NRXN1: variants seen among roughly 807,000 people sequenced by gnomAD.
NRXN1 encodes neurexin 1.
Under a neutral mutation model 150.9 loss-of-function variants are expected in NRXN1, and 39 were observed. That is an observed-to-expected ratio of 0.26 (90% CI 0.20 to 0.34). The LOEUF is 0.34. NRXN1 is among the 10% of genes least tolerant of loss of function. The probability of loss-of-function intolerance (pLI) is 1.00; values close to 1 mark genes in which losing one functional copy is unlikely to be tolerated. For missense variants in NRXN1, 1,815 were observed against 1,949.9 expected, an observed-to-expected ratio of 0.93 and a Z score of 1.30; for synonymous variants, 924 against 757.0, an observed-to-expected ratio of 1.22 and a Z score of -3.62.
intron 8 of NRXN1, among the ~76,000 whole-genome samples, chr2:50,553,494 ATCTCT>A (rs1667812914): frequency 1.3e-5 from 2 of 152,198 alleles, no homozygotes; most frequent in Non-Finnish European, 2.9e-5. Context: ...AAAATATTGG[ATCTCT>A]TCTATTATCT....
intron 18 of NRXN1, among the ~76,000 whole-genome samples, chr2:50,164,994 T>C (rs142519379): frequency 5.6e-4 from 86 of 152,244 alleles, no homozygotes; most frequent in East Asian, 2.7e-3. Flanking sequence ...AGGTGTCTAC[T>C]CCTCACCTGG....
At chr2:50,591,536 C>T (rs970699830) in intron 8 of NRXN1, among the ~76,000 whole-genome samples, 3 of 152,194 alleles carry the variant, frequency 2.0e-5, no homozygotes, top group Non-Finnish European at 4.4e-5. Context: ...AAATGTGGGT[C>T]CCAGGAAGTT....
intron 18 of NRXN1, among the ~76,000 whole-genome samples, chr2:50,170,521 T>A (rs960253244): frequency 1.3e-5 from 2 of 152,146 alleles, no homozygotes; most frequent in Non-Finnish European, 2.9e-5. Context: ...GGTCTCATAC[T>A]CCTGTCCTCA....
At chr2:50,368,056 C>A (rs897919960) in intron 17 of NRXN1, among the ~76,000 whole-genome samples, 3 of 152,008 alleles carry the variant, frequency 2.0e-5, no homozygotes, top group Admixed American at 6.6e-5. Flanking sequence ...AATAGTTACA[C>A]CACTTAGCAA....
At chr2:50,809,451 A>C (rs1368741905) in intron 5 of NRXN1, among the ~76,000 whole-genome samples, 1 of 152,110 alleles carries the variant, frequency 6.6e-6, no homozygotes, top group Non-Finnish European at 1.5e-5. Flanking sequence ...TAAATCAAAC[A>C]CAATTCATAC....
chr2:50,218,024 C>G (rs1030328363), intron 18 of NRXN1, among the ~76,000 whole-genome samples: 36 of 151,990 alleles, frequency 2.4e-4, no homozygotes, highest in African/African-American at 8.7e-4. Flanking sequence ...ACACTCCTCT[C>G]CCATACATAC....
chr2:50,673,563 A>G (rs1689145825), intron 5 of NRXN1, among the ~76,000 whole-genome samples: 1 of 152,102 alleles, frequency 6.6e-6, no homozygotes, highest in East Asian at 1.9e-4. Context: ...CAGTGTAGGA[A>G]TCATGGCTGG....
chr2:50,480,840 T>A (rs1318219995), intron 15 of NRXN1, among the ~76,000 whole-genome samples: 2 of 151,394 alleles, frequency 1.3e-5, no homozygotes, highest in African/African-American at 4.9e-5. Flanking sequence ...ATGTACAGAG[T>A]CCTGAGTGAG....
intron 20 of NRXN1, 51 bp downstream of exon 20, chr2:50,054,904 G>T: frequency 1.7e-6 from 2 of 1,204,970 alleles, no homozygotes; most frequent in Non-Finnish European, 2.3e-6. Flanking sequence ...AGTACTACTT[G>T]GTTATGTTCA....
At chr2:50,197,213 G>A (rs763297472) in intron 18 of NRXN1, among the ~76,000 whole-genome samples, 1 of 151,846 alleles carries the variant, frequency 6.6e-6, no homozygotes. Flanking sequence ...TTTTTTAGAT[G>A]CATAACAGTT....
chr2:50,497,122 G>A (rs1184258225), intron 14 of NRXN1, among the ~76,000 whole-genome samples: 1 of 152,122 alleles, frequency 6.6e-6, no homozygotes, highest in Non-Finnish European at 1.5e-5. Context: ...TATCTCATAT[G>A]TGAAAATGTA....
At chr2:50,462,664 A>G (rs535142232) in intron 17 of NRXN1, among the ~76,000 whole-genome samples, 2 of 151,948 alleles carry the variant, frequency 1.3e-5, no homozygotes, top group South Asian at 4.1e-4. Context: ...TTTCCGGGGA[A>G]GAAAGGGTTT....
rs142392248 is a variant in NRXN1, at chr2:50,627,615, G to GACACACACACAC, written c.833-4012_833-4001dup. ...TCTATGAAAGCTTTTGTCAGACACA[G>GACACACACACAC]ACACACACACACACACACACACGAG... On this transcript the variant is annotated intron_variant, in intron 5 of 22. Transcript: ENST00000401669. Among the ~76,000 whole-genome samples, 278 of 148,438 alleles carry GACACACACACAC rather than the reference G, an allele frequency of 1.9e-3. 1 individual carries two copies. Among genetic ancestry groups the GACACACACACAC allele is most frequent in the Middle Eastern group, 6.8e-3 (2 of 292 alleles).
intron 5 of NRXN1, among the ~76,000 whole-genome samples, chr2:50,815,045 A>C (rs886275988): frequency 1.3e-5 from 2 of 152,146 alleles, no homozygotes; most frequent in Non-Finnish European, 2.9e-5. Flanking sequence ...ATTATGTTGC[A>C]ATCAGATGAA....
At chr2:50,464,115 A>C (rs1370961150) in intron 17 of NRXN1, 10 of 151,784 alleles carry the variant, frequency 6.6e-5, no homozygotes, top group Non-Finnish European at 4.4e-5. Flanking sequence ...TATATAACTC[A>C]AAATGGCGTT....
At chr2:50,076,524 A>C (rs764476956) in intron 19 of NRXN1, among the ~76,000 whole-genome samples, 2 of 152,192 alleles carry the variant, frequency 1.3e-5, no homozygotes, top group Non-Finnish European at 2.9e-5. Flanking sequence ...TAGGAAAATG[A>C]GATTAAAGAA....
intron 5 of NRXN1, among the ~76,000 whole-genome samples, chr2:50,730,672 C>CTTTTTTTTTTTTTTTTT (rs56042523): frequency 8.2e-6 from 1 of 122,026 alleles, no homozygotes; most frequent in Non-Finnish European, 1.6e-5. Flanking sequence ...TTCTTGTTTT[C>CTTTTTTTTTTTTTTTTT]TTTTTTTTTT....
intron 8 of NRXN1, among the ~76,000 whole-genome samples, chr2:50,576,906 T>G (rs1218646944): frequency 6.6e-6 from 1 of 152,110 alleles, no homozygotes; most frequent in African/African-American, 2.4e-5. Context: ...TCTTTGGGGC[T>G]TTAATTAGTA....
At chr2:50,862,864 A>G (rs2106041806) in intron 5 of NRXN1, among the ~76,000 whole-genome samples, 1 of 152,226 alleles carries the variant, frequency 6.6e-6, no homozygotes, top group South Asian at 2.1e-4. Flanking sequence ...TCCAAAATGC[A>G]TGTCCTTCTC....
Sources: allele counts gnomAD v4.1 joint callset (sites outside exome capture counted in the v4.1 genomes callset), GRCh38; gene constraint gnomAD v4.1.1; transcripts MANE v1.5; gene names NCBI Gene and HGNC (gene_info 2026-07-23, HGNC 2026-07-21).